DHRS2: variants seen among roughly 807,000 people sequenced by gnomAD.
DHRS2 encodes the protein dehydrogenase/reductase SDR family member 2, mitochondrial.
A neutral mutation model predicts 26.3 loss-of-function variants in DHRS2; 29 were observed. That is an observed-to-expected ratio of 1.10 (90% CI 0.82 to 1.50). DHRS2 has a LOEUF of 1.50. Ranked by LOEUF, DHRS2 falls within the 40% of genes most tolerant of loss-of-function variation. The pLI is 0.00. For synonymous variants in DHRS2, 164 were observed against 151.3 expected (o/e 1.08, Z -0.62); for missense variants, 439 against 367.1 (o/e 1.20, Z -1.60).
intron 8 of DHRS2, 34 bp downstream of exon 8, chr14:23,644,916 G>C: frequency 6.2e-7 from 1 of 1,611,822 alleles, no homozygotes; most frequent in Non-Finnish European, 8.5e-7. Flanking sequence ...TGGTCCATGT[G>C]TGGCTAGGCA....
intron 1 of DHRS2, among the ~76,000 whole-genome samples, chr14:23,630,974 A>G (rs1342442680): frequency 6.6e-6 from 1 of 152,226 alleles, no homozygotes; most frequent in African/African-American, 2.4e-5. Context: ...GGTAGTAGGC[A>G]TCATAGATAA....
chr14:23,644,353 C>T (rs572126772), intron 6 of DHRS2, 56 bp from the exon 7 acceptor site: 3 of 1,606,536 alleles, frequency 1.9e-6, no homozygotes, highest in Non-Finnish European at 2.6e-6. Flanking sequence ...AGAAATCCAA[C>T]TGATGCTTTC....
Position 23,643,212 on chromosome 14 carries a change from G to A in DHRS2, c.481G>A (p.Glu161Lys), listed in dbSNP as rs865810454. ...GCTGAGCCAGTTGCTGCCCTACATG[G>A]AGAACAGGTATGGCAGGGCGGGGGT... ...LLLSQLLPYM[E>K]NRRGAVILVS... Residue 161 changes from glutamate to lysine, a missense_variant, in exon 5 of 9, where the codon GAG becomes AAG. Coordinates refer to ENST00000250383, the MANE Select transcript of DHRS2 (RefSeq NM_005794.4). 1 of 1,613,964 alleles carries A rather than the reference G, an allele frequency of 6.2e-7. No individual in the cohort carries two copies. Among genetic ancestry groups the A allele is most frequent in the Non-Finnish European group, 8.5e-7 (1 of 1,179,974 alleles).
At chr14:23,631,560 C>G (rs1414894485), upstream of DHRS2, among the ~76,000 whole-genome samples, 1 of 152,026 alleles carries the variant, frequency 6.6e-6, no homozygotes, top group East Asian at 1.9e-4. Context: ...CCCCCCCACC[C>G]CTTTCCTTTT....
In DHRS2 at chr14:23,641,121, G is replaced by A. The variant is rs143154739; in HGVS notation, c.420+1226G>A. ...ACTGGACAGAAATCATTGATGACTC[G>A]TCCCCGATCACATCTGCCATCACCT... On this transcript the variant is annotated intron_variant, in intron 4 of 8. Transcript: ENST00000250383. 356 of 154,344 alleles carry A rather than the reference G, an allele frequency of 2.3e-3. 2 individuals carry two copies. Among genetic ancestry groups the A allele is most frequent in the Non-Finnish European group, 3.4e-3 (239 of 69,362 alleles). 9.6% of individuals were successfully genotyped at this position (154,344 alleles called of 1,614,324 possible).
Position 23,644,880 on chromosome 14 carries a change from G to C in DHRS2, c.729G>C (p.Gln243His). The C allele has an allele frequency of 6.2e-7, 1 of 1,614,228 alleles. No individual in the cohort carries two copies. ...ACTTCAAGGAACATCATCAGCTGCA[G>C]AGGCAAGTGGGGTTTGGAGATTTGG... ...WKNFKEHHQL[Q>H]RIGESEDCAG... The change falls in exon 8 of 9, where the codon CAG (glutamine) becomes CAC (histidine). Residue 243 changes from glutamine (Q) to histidine (H), a missense_variant and splice_region_variant. Coordinates refer to ENST00000250383, the MANE Select transcript of DHRS2 (RefSeq NM_005794.4).
chr14:23,630,252 A>G (rs780101448), intron 1 of DHRS2: 4 of 152,318 alleles, frequency 2.6e-5, no homozygotes, highest in Non-Finnish European at 4.4e-5. Flanking sequence ...CTGGGCCAGC[A>G]TCACACTGCC....
At chr14:23,645,107 C>G (rs200389455) in intron 8 of DHRS2, 35 bp from the exon 9 acceptor site, 1 of 1,613,042 alleles carries the variant, frequency 6.2e-7, no homozygotes, top group Non-Finnish European at 8.5e-7. Flanking sequence ...AATCAGAGTA[C>G]AAGATGCTTG....
chr14:23,643,733 C>G (rs923149034), intron 5 of DHRS2: 12 of 306,250 alleles, frequency 3.9e-5, no homozygotes, highest in Non-Finnish European at 6.3e-5. Flanking sequence ...AAGTTCCTGA[C>G]TGTCACTTCT....
At chr14:23,633,193 C>T (rs987454124), upstream of DHRS2, among the ~76,000 whole-genome samples, 1 of 152,242 alleles carries the variant, frequency 6.6e-6, no homozygotes, top group Admixed American at 6.5e-5. Context: ...CCTGCCTTCA[C>T]ATCTGCGCAT....
chr14:23,644,185 C>T (rs1020048689), intron 6 of DHRS2, 23 bp downstream of exon 6: 2 of 1,613,782 alleles, frequency 1.2e-6, no homozygotes, highest in Admixed American at 1.7e-5. Flanking sequence ...TCCTTGTGCT[C>T]CTGAGTGGTA....
At position 23,644,529 on chromosome 14, in the gene DHRS2, G is replaced by A. The variant is rs2138395371; in HGVS notation, c.661G>A (p.Asp221Asn). Residue 221 changes from aspartate to asparagine, a missense_variant, in exon 7 of 9, where the codon GAC becomes AAC. By Grantham distance (23) the Asp-to-Asn change is conservative. Coordinates refer to ENST00000250383, the MANE Select transcript of DHRS2 (RefSeq NM_005794.4). The stretch of plus-strand genomic sequence containing the variant: ...CGTGGTTCCAGGAATTATCAAAACT[G>A]ACTTCAGCAAAGTGGTGAGGATTGG... ...NCVVPGIIKT[D>N]FSKVFHGNES... 1 of 1,614,224 alleles carries A rather than the reference G, an allele frequency of 6.2e-7. No individual in the cohort carries two copies. The highest frequency in any genetic ancestry group is 8.5e-7 in the Non-Finnish European group (1 of 1,180,042).
intron 4 of DHRS2, 178 bp from the exon 5 acceptor site, chr14:23,642,974 T>C (rs1890727720): frequency 6.3e-6 from 4 of 637,746 alleles, no homozygotes; most frequent in African/African-American, 1.8e-5. Context: ...TGCCTGCCTA[T>C]GAAACCATTA....
At chr14:23,632,403 G>C (rs757987812), upstream of DHRS2, among the ~76,000 whole-genome samples, 3 of 152,210 alleles carry the variant, frequency 2.0e-5, no homozygotes, top group African/African-American at 4.8e-5. Context: ...GAGAGCAACA[G>C]CAGGCAGAGT....
upstream of DHRS2, among the ~76,000 whole-genome samples, chr14:23,634,059 CTTTTTTTTTTT>C (rs58045171): frequency 1.2e-5 from 1 of 82,450 alleles, no homozygotes; most frequent in Admixed American, 1.9e-4. Flanking sequence ...TTTGCCCCTT[CTTTTTTTTTTT>C]TTTTTTTTTT....
At chr14:23,643,277 A>C in intron 5 of DHRS2, 58 bp downstream of exon 5, 1 of 1,515,270 alleles carries the variant, frequency 6.6e-7, no homozygotes, top group Non-Finnish European at 9.2e-7. Context: ...TGGGCACAGA[A>C]ATACAGTCGG....
intron 3 of DHRS2, 152 bp downstream of exon 3, chr14:23,639,508 T>C: frequency 8.2e-7 from 1 of 1,219,690 alleles, no homozygotes; most frequent in Non-Finnish European, 1.1e-6. Flanking sequence ...AGAAGGTCCC[T>C]CAGGAAAGTG....
Position 23,645,283 on chromosome 14 carries a change from T to C in DHRS2, c.*30T>C. The C allele has an allele frequency of 6.2e-7, 1 of 1,613,766 alleles. No homozygotes were observed. The highest frequency in any genetic ancestry group is 8.5e-7 in the Non-Finnish European group (1 of 1,180,034). Reference sequence around the variant, plus strand: ...AGTGGGGGCGGCTGCGTAGCTGTGGTCCCAGGCCCAGGAGCCTGAGGGGGT... The same window carrying C: ...AGTGGGGGCGGCTGCGTAGCTGTGGCCCCAGGCCCAGGAGCCTGAGGGGGT... On this transcript the variant is annotated 3_prime_UTR_variant, in exon 9 of 9. Coordinates refer to ENST00000250383, the MANE Select transcript of DHRS2 (RefSeq NM_005794.4).
rs752223169 is a variant in DHRS2, at chr14:23,644,126, C to G, written c.504C>G (p.Ile168Met). 1 of 1,614,108 alleles carries G rather than the reference C, an allele frequency of 6.2e-7. No individual in the cohort carries two copies. Among genetic ancestry groups the G allele is most frequent in the Non-Finnish European group, 8.5e-7 (1 of 1,180,000 alleles). The change falls in exon 6 of 9, where the codon ATC becomes ATG. Residue 168 changes from isoleucine (I) to methionine (M), a missense_variant. Ile to Met is a conservative substitution (Grantham distance 10, BLOSUM62 1). Coordinates refer to ENST00000250383, the MANE Select transcript of DHRS2 (RefSeq NM_005794.4). ...PYMENRRGAV[I>M]LVSSIAAYNP... ...CTTGTCTCAGGAGGGGTGCTGTCAT[C>G]CTGGTCTCTTCCATTGCAGCTTATA... is the stretch of plus-strand genomic sequence containing the variant.
Sources: allele counts gnomAD v4.1 joint callset (sites outside exome capture counted in the v4.1 genomes callset), GRCh38; gene constraint gnomAD v4.1.1; transcripts MANE v1.5; gene names NCBI Gene and HGNC (gene_info 2026-07-23, HGNC 2026-07-21).